The following PRICKLE2 variants were observed in gnomAD, a reference collection of about 807,000 sequenced individuals.
PRICKLE2 encodes the protein prickle-like protein 2.
Under a neutral mutation model 81.4 loss-of-function variants are expected in PRICKLE2, and 21 were observed. The observed-to-expected ratio is 0.26, with a 90% CI of 0.18 to 0.37. PRICKLE2 has a LOEUF of 0.37. Ranked by LOEUF, PRICKLE2 falls within the 10% of genes least tolerant of loss-of-function variation. PRICKLE2 has a pLI of 1.00. For missense variants in PRICKLE2, 940 were observed against 1,109.0 expected, an observed-to-expected ratio of 0.85 and a Z score of 2.16; for synonymous variants, 456 against 421.5, an observed-to-expected ratio of 1.08 and a Z score of -1.00.
At chr3:64,250,859 C>A (rs891793998) in intron 2 of PRICKLE2, among the ~76,000 whole-genome samples, 3 of 152,118 alleles carry the variant, frequency 2.0e-5, no homozygotes, top group African/African-American at 7.2e-5. Context: ...GGTCCCTCTG[C>A]CAGAGATACT....
At chr3:64,215,451 T>C (rs572987991) in intron 1 of PRICKLE2, among the ~76,000 whole-genome samples, 1 of 152,348 alleles carries the variant, frequency 6.6e-6, no homozygotes, top group African/African-American at 2.4e-5. Flanking sequence ...CCTTTTCCCA[T>C]TGTAATGTAA....
chr3:64,146,826 C>G lies in PRICKLE2; in HGVS notation c.1660+4G>C. ...TATCTGTTTTCAAGGTGAACAGAAC[C>G]TACCTGTTGCATTAGACAGGGCCAG... On this transcript the variant is annotated splice_donor_region_variant and intron_variant, in intron 7 of 7. Transcript: ENST00000638394. 1 of 1,614,082 alleles carries G rather than the reference C, an allele frequency of 6.2e-7. No individual in the cohort carries two copies. The highest frequency in any genetic ancestry group is 8.5e-7 in the Non-Finnish European group (1 of 1,179,998).
intron 2 of PRICKLE2, among the ~76,000 whole-genome samples, chr3:64,249,510 A>C (rs1490420745): frequency 6.6e-6 from 1 of 152,238 alleles, no homozygotes; most frequent in Non-Finnish European, 1.5e-5. Flanking sequence ...TTGTCTTGTC[A>C]AATGGAGGCT....
chr3:64,129,227 T>A (rs565495489), intron 7 of PRICKLE2, among the ~76,000 whole-genome samples: 3 of 152,370 alleles, frequency 2.0e-5, no homozygotes, highest in Non-Finnish European at 2.9e-5. Flanking sequence ...TTTAACCACT[T>A]GCTAATCTGT....
intron 7 of PRICKLE2, among the ~76,000 whole-genome samples, chr3:64,115,107 A>C (rs956073133): frequency 1.3e-5 from 2 of 152,198 alleles, no homozygotes; most frequent in Non-Finnish European, 2.9e-5. Flanking sequence ...ACTAAGATTC[A>C]TAAGCAAAGG....
chr3:64,200,240 T>C (rs1030441062), intron 1 of PRICKLE2: 2 of 152,240 alleles, frequency 1.3e-5, no homozygotes, highest in South Asian at 2.1e-4. Flanking sequence ...TCTTTTGAAG[T>C]TGGCTTCTTT....
At chr3:64,185,640 T>C (rs2078215030) in intron 2 of PRICKLE2, among the ~76,000 whole-genome samples, 1 of 152,200 alleles carries the variant, frequency 6.6e-6, no homozygotes, top group Non-Finnish European at 1.5e-5. Context: ...CAGTTCTTTC[T>C]GACAAAAGCT....
At chr3:64,230,257 T>C (rs1474345340), upstream of PRICKLE2, among the ~76,000 whole-genome samples, 1 of 152,174 alleles carries the variant, frequency 6.6e-6, no homozygotes, top group Non-Finnish European at 1.5e-5. Flanking sequence ...GCTGTCCATT[T>C]TAATTTGTGC....
At chr3:64,252,214 T>C (rs2079457112) in intron 2 of PRICKLE2, among the ~76,000 whole-genome samples, 1 of 152,166 alleles carries the variant, frequency 6.6e-6, no homozygotes, top group East Asian at 1.9e-4. Context: ...AAATGAAAAA[T>C]GTGAGGCAAT....
At chr3:64,193,133 G>A (rs1022406820) in intron 2 of PRICKLE2, among the ~76,000 whole-genome samples, 1 of 152,180 alleles carries the variant, frequency 6.6e-6, no homozygotes, top group African/African-American at 2.4e-5. Context: ...AAAGGAGCAG[G>A]CACATGTATA....
At chr3:64,140,666 G>T (rs696013) in intron 7 of PRICKLE2, among the ~76,000 whole-genome samples, 3 of 151,898 alleles carry the variant, frequency 2.0e-5, no homozygotes, top group Admixed American at 6.6e-5. Context: ...CTAATGCCTT[G>T]GTCCCCCACT....
At chr3:64,142,297 T>C (rs1395553877) in intron 7 of PRICKLE2, among the ~76,000 whole-genome samples, 4 of 138,606 alleles carry the variant, frequency 2.9e-5, no homozygotes, top group Non-Finnish European at 6.3e-5. Context: ...TGCAGGAGTA[T>C]TTTCTTTCTT....
chr3:64,182,241 A>C (rs1559561579), intron 2 of PRICKLE2, among the ~76,000 whole-genome samples: 2 of 152,088 alleles, frequency 1.3e-5, no homozygotes, highest in African/African-American at 4.8e-5. Context: ...TAATCTCAGC[A>C]CTCTGGGAGG....
intron 7 of PRICKLE2, among the ~76,000 whole-genome samples, chr3:64,142,230 T>G (rs145710215): frequency 6.6e-6 from 1 of 152,080 alleles, no homozygotes; most frequent in Admixed American, 6.5e-5. Flanking sequence ...ACAAAATGAC[T>G]TTCTTTAATT....
chr3:64,209,853 G>C (rs754164426), intron 1 of PRICKLE2, among the ~76,000 whole-genome samples: 3 of 152,230 alleles, frequency 2.0e-5, no homozygotes, highest in Non-Finnish European at 4.4e-5. Context: ...CAGAAAGAGA[G>C]GAACTGAGGA....
chr3:64,180,156 G>C (rs1245080822), intron 2 of PRICKLE2, among the ~76,000 whole-genome samples: 1 of 152,178 alleles, frequency 6.6e-6, no homozygotes, highest in Non-Finnish European at 1.5e-5. Context: ...AGGATTATGG[G>C]AACTAACTCA....
At chr3:64,204,399 G>A (rs1227762494) in intron 1 of PRICKLE2, among the ~76,000 whole-genome samples, 1 of 152,186 alleles carries the variant, frequency 6.6e-6, no homozygotes, top group African/African-American at 2.4e-5. Context: ...GAGTGGTTAA[G>A]TGGCTTGTAA....
intron 2 of PRICKLE2, among the ~76,000 whole-genome samples, chr3:64,193,607 G>A (rs1460313758): frequency 1.3e-5 from 2 of 152,174 alleles, no homozygotes; most frequent in Non-Finnish European, 2.9e-5. Flanking sequence ...TACACACATA[G>A]AAACTTGAAT....
At chr3:64,185,398 A>G (rs2078209958) in intron 2 of PRICKLE2, among the ~76,000 whole-genome samples, 1 of 152,222 alleles carries the variant, frequency 6.6e-6, no homozygotes, top group Non-Finnish European at 1.5e-5. Flanking sequence ...TTATCTGATA[A>G]AAGTAATGGC....
Sources: gnomAD v4.1 joint callset for allele counts (sites outside exome capture counted in the v4.1 genomes callset) on GRCh38, gnomAD v4.1.1 for gene constraint, MANE v1.5 for transcripts, NCBI Gene and HGNC (gene_info 2026-07-23, HGNC 2026-07-21) for gene names.